Variants in HEMK2 observed in about 807,000 individuals in gnomAD.
HEMK2 encodes the protein HemK methyltransferase 2, ETF1 glutamine and histone H4 lysine, also known as methyltransferase HEMK2.
chr21:28,734,297 T>C, the HEMK2 span, among the ~76,000 whole-genome samples: 1 of 152,244 alleles, frequency 6.6e-6, no homozygotes, highest in East Asian at 1.9e-4. Context: ...ATATACGTTT[T>C]AAACTCTGAC....
the HEMK2 span, chr21:28,874,689 G>A: frequency 1.3e-5 from 2 of 152,144 alleles, no homozygotes; most frequent in Non-Finnish European, 2.9e-5. Flanking sequence ...TAACCCTTTG[G>A]TGAGCATTCA....
the HEMK2 span, among the ~76,000 whole-genome samples, chr21:28,776,300 C>G: frequency 6.6e-6 from 1 of 152,222 alleles, no homozygotes; most frequent in Non-Finnish European, 1.5e-5. Context: ...GTCAAGACAT[C>G]TTTTAACATT....
the HEMK2 span, among the ~76,000 whole-genome samples, chr21:28,780,210 C>T: frequency 6.6e-6 from 1 of 151,904 alleles, no homozygotes; most frequent in South Asian, 2.1e-4. Flanking sequence ...TGGAGTCTCA[C>T]TCTGTCTCCC....
the HEMK2 span, among the ~76,000 whole-genome samples, chr21:28,794,173 T>C: frequency 6.6e-6 from 1 of 152,196 alleles, no homozygotes; most frequent in African/African-American, 2.4e-5. Context: ...TATAAATTCA[T>C]TGCTCTACAA....
chr21:28,752,483 T>C, the HEMK2 span, among the ~76,000 whole-genome samples: 1 of 152,242 alleles, frequency 6.6e-6, no homozygotes, highest in Non-Finnish European at 1.5e-5. Context: ...TTGATGCTTC[T>C]TCCATAGTCA....
At chr21:28,866,561 C>T in the HEMK2 span, among the ~76,000 whole-genome samples, 4 of 152,098 alleles carry the variant, frequency 2.6e-5, no homozygotes, top group Admixed American at 1.3e-4. Context: ...TGTGATGGTG[C>T]ACATCTGTGG....
chr21:28,683,594 T>C, the HEMK2 span, among the ~76,000 whole-genome samples: 2 of 152,198 alleles, frequency 1.3e-5, no homozygotes, highest in African/African-American at 2.4e-5. Flanking sequence ...TTTACACACC[T>C]AGTCAACATT....
chr21:28,579,981 T>C, the HEMK2 span, among the ~76,000 whole-genome samples: 3 of 152,324 alleles, frequency 2.0e-5, no homozygotes, highest in South Asian at 6.2e-4. Flanking sequence ...AGAGAGGCAG[T>C]GAGTTTTCTG....
the HEMK2 span, among the ~76,000 whole-genome samples, chr21:28,830,436 C>T: frequency 6.6e-6 from 1 of 152,162 alleles, no homozygotes; most frequent in African/African-American, 2.4e-5. Flanking sequence ...TTTCCTGAGA[C>T]CTTCCAGCCA....
chr21:28,761,530 T>C, the HEMK2 span, among the ~76,000 whole-genome samples: 1 of 151,952 alleles, frequency 6.6e-6, no homozygotes, highest in Non-Finnish European at 1.5e-5. Flanking sequence ...CTTGGTTACC[T>C]GTGTCACATA....
the HEMK2 span, among the ~76,000 whole-genome samples, chr21:28,845,048 T>A: frequency 6.6e-6 from 1 of 152,120 alleles, no homozygotes; most frequent in Non-Finnish European, 1.5e-5. Flanking sequence ...TACATTTTTC[T>A]ACATTCAATT....
At chr21:28,602,760 G>A in the HEMK2 span, among the ~76,000 whole-genome samples, 2 of 152,186 alleles carry the variant, frequency 1.3e-5, no homozygotes, top group East Asian at 1.9e-4. Context: ...AACCTTGGGG[G>A]CAGGAATGAT....
the HEMK2 span, among the ~76,000 whole-genome samples, chr21:28,711,299 G>C: frequency 6.6e-6 from 1 of 152,110 alleles, no homozygotes; most frequent in Non-Finnish European, 1.5e-5. Flanking sequence ...TGAGGGCTGG[G>C]GGGCATTGCA....
chr21:28,759,758 T>C, the HEMK2 span, among the ~76,000 whole-genome samples: 3 of 152,200 alleles, frequency 2.0e-5, no homozygotes, highest in Non-Finnish European at 1.5e-5. Flanking sequence ...TTTCCTCTTT[T>C]ACTTGGCTTT....
chr21:28,698,284 CT>C, the HEMK2 span, among the ~76,000 whole-genome samples: 1 of 152,100 alleles, frequency 6.6e-6, no homozygotes, highest in African/African-American at 2.4e-5. Context: ...TTAGAATGGG[CT>C]TTTTAACCTC....
chr21:28,596,311 C>T, the HEMK2 span, among the ~76,000 whole-genome samples: 1 of 152,150 alleles, frequency 6.6e-6, no homozygotes, highest in East Asian at 1.9e-4. Context: ...AGCCACCGCG[C>T]CCAACCCAAA....
At chr21:28,863,292 G>A in the HEMK2 span, among the ~76,000 whole-genome samples, 16,748 of 150,698 alleles carry the variant, frequency 0.11, 1,440 homozygotes, top group African/African-American at 0.23. Context: ...GCCCGTGAAC[G>A]CGGGACTCCT....
the HEMK2 span, among the ~76,000 whole-genome samples, chr21:28,747,759 A>G: frequency 6.6e-6 from 1 of 152,242 alleles, no homozygotes. Flanking sequence ...TTGCACCAAC[A>G]TGGATAGGAC....
chr21:28,698,573 CT>C, the HEMK2 span, among the ~76,000 whole-genome samples: 1,353 of 152,138 alleles, frequency 8.9e-3, 24 homozygotes, highest in African/African-American at 0.031. Flanking sequence ...TGAGGAATGA[CT>C]ATGAAAATGT....
Sources: allele counts gnomAD v4.1 joint callset (sites outside exome capture counted in the v4.1 genomes callset), GRCh38; gene constraint gnomAD v4.1.1; transcripts MANE v1.5; gene names NCBI Gene and HGNC (gene_info 2026-07-23, HGNC 2026-07-21).